Variants in VPS13C observed in about 807,000 individuals in gnomAD.
VPS13C encodes vacuolar protein sorting 13 homolog C, also known as intermembrane lipid transfer protein VPS13C.
VPS13C carries 358 observed loss-of-function variants against 456.8 expected under a neutral mutation model. That is an observed-to-expected ratio of 0.78 (90% CI 0.72 to 0.86). The LOEUF is 0.86. Ranked by LOEUF, VPS13C falls within the 40% of genes least tolerant of loss-of-function variation. VPS13C has a pLI of 0.00. For synonymous variants in VPS13C, 1,578 were observed against 1,486.7 expected (o/e 1.06, Z -1.41); for missense variants, 4,818 against 4,385.4 (o/e 1.10, Z -2.79).
chr15:61,895,543 G>A (rs1456238812), intron 66 of VPS13C, among the ~76,000 whole-genome samples: 3 of 152,064 alleles, frequency 2.0e-5, no homozygotes, highest in Non-Finnish European at 4.4e-5. Flanking sequence ...AAATACAAAA[G>A]GATCATTAGA....
At chr15:61,875,963 T>G in intron 75 of VPS13C, 118 bp from the exon 76 acceptor site, 1 of 676,086 alleles carries the variant, frequency 1.5e-6, no homozygotes, top group Non-Finnish European at 2.4e-6. Flanking sequence ...GAAAGCTGTA[T>G]GGAATAATCA....
intron 15 of VPS13C, among the ~76,000 whole-genome samples, chr15:62,001,716 T>A (rs1221128091): frequency 3.3e-5 from 5 of 152,170 alleles, no homozygotes; most frequent in Non-Finnish European, 5.9e-5. Context: ...CCCCTTCCTG[T>A]GTCCATGTGT....
intron 35 of VPS13C, among the ~76,000 whole-genome samples, chr15:61,961,116 C>T (rs1338895853): frequency 2.6e-5 from 4 of 151,316 alleles, no homozygotes; most frequent in East Asian, 3.9e-4. Flanking sequence ...GGGCCAGGCG[C>T]GGTGGCTCAC....
In VPS13C at chr15:61,966,293, T is replaced by C. The variant is rs2045374565; in HGVS notation, c.2992-151A>G. On this transcript the variant is annotated intron_variant, in intron 29 of 84. Transcript: ENST00000644861. The stretch of plus-strand genomic sequence containing the variant: ...TTATTGCCATTATTTTAAATTTACA[T>C]CCAAATAATGTATTTATTATAATAG... 18 of 478,674 alleles carry C rather than the reference T, an allele frequency of 3.8e-5. No individual in the cohort carries two copies. In the East Asian group the frequency reaches 6.4e-4, roughly 17 times the overall value. The allele number at this position is 478,674 out of a possible 1,614,324, so 29.7% of individuals were successfully genotyped here. A position where few individuals can be genotyped will look rare whatever the true frequency, so the allele number is the denominator to read the frequency against.
At chr15:61,856,647 A>G (rs1279484058) in intron 82 of VPS13C, 1 of 333,890 alleles carries the variant, frequency 3.0e-6, no homozygotes, top group East Asian at 5.5e-5. Flanking sequence ...TCAATCTTGC[A>G]GAATTCAGAA....
At chr15:61,918,073 T>C in intron 59 of VPS13C, 63 bp downstream of exon 59, 2 of 1,483,522 alleles carry the variant, frequency 1.3e-6, no homozygotes, top group South Asian at 2.7e-5. Context: ...ATGAAGTTAT[T>C]TGCCAGAATA....
At chr15:62,020,392 G>T (rs907411102) in intron 9 of VPS13C, 87 bp downstream of exon 9, 2 of 1,108,942 alleles carry the variant, frequency 1.8e-6, no homozygotes, top group Non-Finnish European at 2.5e-6. Flanking sequence ...GTTCTTTGTC[G>T]CATAGTTGAT....
chr15:61,948,359 G>T (rs2044674724), intron 42 of VPS13C, among the ~76,000 whole-genome samples: 1 of 152,020 alleles, frequency 6.6e-6, no homozygotes. Flanking sequence ...AGTTTATAAG[G>T]AAATTGTTGC....
chr15:61,969,142 T>C (rs889116206), intron 28 of VPS13C, among the ~76,000 whole-genome samples, 157 bp downstream of exon 28: 14 of 152,144 alleles, frequency 9.2e-5, no homozygotes, highest in East Asian at 3.8e-4. Flanking sequence ...GCCTACCCCA[T>C]AGCACTGCTA....
At chr15:61,911,793 T>C in intron 63 of VPS13C, 47 bp downstream of exon 63, 1 of 1,462,328 alleles carries the variant, frequency 6.8e-7, no homozygotes. Context: ...GATGTCAATA[T>C]TTATTTGTAT....
At chr15:61,878,004 A>G (rs904339303) in intron 74 of VPS13C, among the ~76,000 whole-genome samples, 7 of 151,908 alleles carry the variant, frequency 4.6e-5, no homozygotes, top group African/African-American at 1.4e-4. Context: ...GTTGTAAAGT[A>G]TTTGATTTTT....
At chr15:61,963,055 A>G (rs1194447294) in intron 32 of VPS13C, among the ~76,000 whole-genome samples, 1 of 152,140 alleles carries the variant, frequency 6.6e-6, no homozygotes, top group African/African-American at 2.4e-5. Context: ...TGATTATGTG[A>G]CTTTTCAATC....
intron 9 of VPS13C, among the ~76,000 whole-genome samples, chr15:62,015,158 T>G (rs1295635708): frequency 6.6e-6 from 1 of 152,208 alleles, no homozygotes; most frequent in Admixed American, 6.5e-5. Flanking sequence ...GTCACAGTTT[T>G]CTGGAACAAT....
intron 16 of VPS13C, among the ~76,000 whole-genome samples, chr15:61,999,569 G>A (rs1474035057): frequency 6.6e-6 from 1 of 152,006 alleles, no homozygotes; most frequent in Non-Finnish European, 1.5e-5. Context: ...ATACAGAAAG[G>A]TATTAACAGT....
chr15:61,923,881 T>TTTTG, intron 53 of VPS13C, among the ~76,000 whole-genome samples: 1 of 125,752 alleles, frequency 8.0e-6, no homozygotes, highest in African/African-American at 3.1e-5. Context: ...TTTTTTTTTT[T>TTTTG]TTGAGACGGA....
chr15:61,968,497 C>G (rs1007755491), intron 28 of VPS13C, among the ~76,000 whole-genome samples: 7 of 151,906 alleles, frequency 4.6e-5, no homozygotes, highest in Non-Finnish European at 1.0e-4. Context: ...AGAATCAATG[C>G]CCCACAGGTA....
chr15:61,952,029 T>A (rs1475580464), intron 38 of VPS13C, 49 bp from the exon 39 acceptor site: 1 of 1,578,896 alleles, frequency 6.3e-7, no homozygotes. Flanking sequence ...CAATATGCAA[T>A]GAAGGTAAGT....
chr15:61,983,930 C>T lies in VPS13C; in HGVS notation c.1804G>A (p.Asp602Asn), dbSNP rs764322856. ...IVPSLVASIG[D>N]TTSSLLKIKF... is the part of the protein sequence containing the mutation. ...ATTTTAAGCAAGGATGATGTAGTGT[C>T]ACCAATTGAAGCCACAAGTGATGGC... The change falls in exon 20 of 85, where the codon GAC (aspartate) becomes AAC (asparagine). Residue 602 changes from aspartate to asparagine, a missense_variant. Coordinates refer to ENST00000644861, the MANE Select transcript of VPS13C (RefSeq NM_020821.3). The T allele has an allele frequency of 1.9e-6, 3 of 1,614,128 alleles. No individual in the cohort carries two copies. The highest frequency in any genetic ancestry group is 1.1e-5 in the South Asian group (1 of 91,082).
At chr15:61,875,567 G>A (rs1796563696) in intron 76 of VPS13C, among the ~76,000 whole-genome samples, 165 bp downstream of exon 76, 1 of 151,904 alleles carries the variant, frequency 6.6e-6, no homozygotes, top group African/African-American at 2.4e-5. Context: ...ATCATCCAAT[G>A]TTATCTCATG....
Sources: gnomAD v4.1 joint callset for allele counts (sites outside exome capture counted in the v4.1 genomes callset) on GRCh38, gnomAD v4.1.1 for gene constraint, MANE v1.5 for transcripts, NCBI Gene and HGNC (gene_info 2026-07-23, HGNC 2026-07-21) for gene names.